The following SENP6 variants were observed in gnomAD, a reference collection of about 807,000 sequenced individuals.
SENP6 encodes the protein sentrin-specific protease 6.
A neutral mutation model predicts 134.5 loss-of-function variants in SENP6; 41 were observed. The observed-to-expected ratio is 0.30, with a 90% CI of 0.24 to 0.40. The LOEUF is 0.40. Ranked by LOEUF, SENP6 falls within the 10% of genes least tolerant of loss-of-function variation. SENP6 has a pLI of 1.00. For missense variants in SENP6, 1,248 were observed against 1,312.5 expected (o/e 0.95, Z 0.76); for synonymous variants, 395 against 429.8 (o/e 0.92, Z 1.00).
At chr6:75,665,418 G>A (rs1476425357) in intron 9 of SENP6, among the ~76,000 whole-genome samples, 4 of 152,060 alleles carry the variant, frequency 2.6e-5, no homozygotes, top group African/African-American at 7.2e-5. Flanking sequence ...TGTGCCTGGA[G>A]GATAAAGAGA....
At chr6:75,682,422 A>G (rs1458534482) in intron 16 of SENP6, among the ~76,000 whole-genome samples, 1 of 150,820 alleles carries the variant, frequency 6.6e-6, no homozygotes, top group Non-Finnish European at 1.5e-5. Context: ...TTTTTTAATT[A>G]TACTTTAAGA....
At chr6:75,693,409 T>TAA (rs534341760) in intron 16 of SENP6, among the ~76,000 whole-genome samples, 12,593 of 123,778 alleles carry the variant, frequency 0.1, 938 homozygotes, top group African/African-American at 0.23. Context: ...GTCTGAAATT[T>TAA]AAAAAAAAAA....
chr6:75,627,315 T>C (rs1290606972), intron 3 of SENP6, among the ~76,000 whole-genome samples: 1 of 152,198 alleles, frequency 6.6e-6, no homozygotes, highest in Non-Finnish European at 1.5e-5. Flanking sequence ...AGTTTTTCTT[T>C]ATAAAGTTAT....
chr6:75,706,307 A>AT (rs1326359640), intron 19 of SENP6, among the ~76,000 whole-genome samples: 5 of 152,162 alleles, frequency 3.3e-5, no homozygotes, highest in African/African-American at 9.7e-5. Context: ...ACTAAAAAAC[A>AT]TTAGACTGTA....
At chr6:75,604,902 G>A (rs1363481878) in intron 1 of SENP6, among the ~76,000 whole-genome samples, 1 of 151,246 alleles carries the variant, frequency 6.6e-6, no homozygotes, top group African/African-American at 2.4e-5. Context: ...GTGAAACCCC[G>A]TCTCTACTAA....
At chr6:75,666,055 T>C (rs1772180009) in intron 9 of SENP6, among the ~76,000 whole-genome samples, 1 of 142,688 alleles carries the variant, frequency 7.0e-6, no homozygotes, top group South Asian at 2.2e-4. Context: ...ATATATATGA[T>C]ATATAAAACG....
chr6:75,693,424 A>AC (rs1022585265), intron 16 of SENP6, among the ~76,000 whole-genome samples: 3 of 151,474 alleles, frequency 2.0e-5, no homozygotes, highest in Non-Finnish European at 4.4e-5. Context: ...AAAAAAAAAA[A>AC]AAAAACACCA....
intron 7 of SENP6, among the ~76,000 whole-genome samples, chr6:75,649,520 G>GT (rs1466812294): frequency 6.6e-6 from 1 of 152,006 alleles, no homozygotes; most frequent in African/African-American, 2.4e-5. Flanking sequence ...TTGTTTGTTT[G>GT]TTGTTGTTGT....
chr6:75,631,274 G>A (rs562605650), intron 3 of SENP6, among the ~76,000 whole-genome samples: 2 of 152,254 alleles, frequency 1.3e-5, no homozygotes, highest in South Asian at 2.1e-4. Flanking sequence ...ATTACATGAT[G>A]TGATAATTTT....
intron 7 of SENP6, among the ~76,000 whole-genome samples, chr6:75,653,899 C>T (rs1771109109): frequency 1.3e-5 from 2 of 152,056 alleles, no homozygotes; most frequent in Non-Finnish European, 2.9e-5. Flanking sequence ...GTGGTCACTG[C>T]CCTTTTCTGG....
chr6:75,657,824 A>G (rs1241846656), intron 7 of SENP6, among the ~76,000 whole-genome samples: 2 of 152,192 alleles, frequency 1.3e-5, no homozygotes, highest in Non-Finnish European at 1.5e-5. Context: ...TGAATTCACC[A>G]CATAGGCAGA....
chr6:75,612,142 G>A (rs1228152382), intron 1 of SENP6, among the ~76,000 whole-genome samples: 1 of 152,062 alleles, frequency 6.6e-6, no homozygotes, highest in Non-Finnish European at 1.5e-5. Context: ...TGTGTGGTTT[G>A]GTCGGGAAGT....
intron 2 of SENP6, 93 bp from the exon 3 acceptor site, chr6:75,623,807 C>T: frequency 1.8e-6 from 2 of 1,123,232 alleles, no homozygotes; most frequent in Non-Finnish European, 2.6e-6. Context: ...TGCTGATTCC[C>T]TGAATTAGGT....
At chr6:75,657,407 G>A (rs886210157) in intron 7 of SENP6, among the ~76,000 whole-genome samples, 3 of 151,818 alleles carry the variant, frequency 2.0e-5, no homozygotes, top group Non-Finnish European at 4.4e-5. Context: ...TAGATCTCGG[G>A]AGAAAAAAAG....
chr6:75,658,725 T>C (rs538590196), intron 7 of SENP6, among the ~76,000 whole-genome samples: 1 of 152,076 alleles, frequency 6.6e-6, no homozygotes, highest in South Asian at 2.1e-4. Flanking sequence ...AATTCAGATT[T>C]TTCTCATTAC....
intron 1 of SENP6, among the ~76,000 whole-genome samples, chr6:75,613,385 T>C (rs985964143): frequency 6.6e-6 from 1 of 152,152 alleles, no homozygotes; most frequent in Non-Finnish European, 1.5e-5. Context: ...AGGGACTGTA[T>C]GGACTACACA....
intron 19 of SENP6, among the ~76,000 whole-genome samples, chr6:75,703,322 G>T (rs2149900452): frequency 6.6e-6 from 1 of 152,064 alleles, no homozygotes; most frequent in East Asian, 1.9e-4. Flanking sequence ...AATTTTTAAA[G>T]AATTTACTTA....
chr6:75,711,343 G>A lies in SENP6; in HGVS notation c.2836G>A (p.Asp946Asn), dbSNP rs753796914. The change falls in exon 21 of 24, where the codon GAT becomes AAT. Residue 946 changes from aspartate (D) to asparagine (N), a missense_variant. Physicochemically the swap from Asp to Asn is conservative, Grantham distance 23. Transcript: ENST00000447266. ...TCTTTTATAGGATGATAGCAGTGAC[G>A]ATGGATTCCTCGCTGATGACAACTG... ...DQDNQDDSSD[D>N]GFLADDNCSS... The A allele has an allele frequency of 3.0e-5, 49 of 1,612,800 alleles. No homozygotes were observed. Among genetic ancestry groups the A allele is most frequent in the East Asian group, 2.0e-4 (9 of 44,860 alleles).
intron 21 of SENP6, among the ~76,000 whole-genome samples, chr6:75,711,991 C>A (rs1220385914): frequency 6.6e-6 from 1 of 152,098 alleles, no homozygotes; most frequent in African/African-American, 2.4e-5. Context: ...TGATAGTGAA[C>A]CACTATTCCT....
Sources: gnomAD v4.1 joint callset for allele counts (sites outside exome capture counted in the v4.1 genomes callset) on GRCh38, gnomAD v4.1.1 for gene constraint, MANE v1.5 for transcripts, NCBI Gene and HGNC (gene_info 2026-07-23, HGNC 2026-07-21) for gene names.